NKAIN2: variants seen among roughly 807,000 people sequenced by gnomAD.
NKAIN2 encodes the protein sodium/potassium-transporting ATPase subunit beta-1-interacting protein 2.
Under a neutral mutation model 32.6 loss-of-function variants are expected in NKAIN2, and 14 were observed. The observed-to-expected ratio is 0.43, with a 90% CI of 0.28 to 0.67. The LOEUF (loss-of-function observed/expected upper bound fraction) is 0.67. Among genes scored for constraint, NKAIN2 ranks in the 30% least tolerant of loss-of-function variants. NKAIN2 has a pLI of 0.17. For synonymous variants in NKAIN2, 80 were observed against 87.2 expected (o/e 0.92, Z 0.46); for missense variants, 198 against 258.3 (o/e 0.77, Z 1.60).
intron 4 of NKAIN2, among the ~76,000 whole-genome samples, chr6:124,760,017 G>C (rs1778185509): frequency 6.6e-6 from 1 of 152,026 alleles, no homozygotes. Context: ...GGAACACCTA[G>C]TTGACTGTGT....
intron 4 of NKAIN2, among the ~76,000 whole-genome samples, chr6:124,664,902 CT>C: frequency 7.0e-6 from 1 of 143,148 alleles, no homozygotes; most frequent in Admixed American, 7.1e-5. Context: ...AATGTTTGAT[CT>C]TTAAACAAGA....
intron 3 of NKAIN2, among the ~76,000 whole-genome samples, chr6:124,643,620 C>T (rs566628449): frequency 6.6e-6 from 1 of 152,076 alleles, no homozygotes; most frequent in Non-Finnish European, 1.5e-5. Context: ...ATCATTATGG[C>T]CTGGTAAGGT....
chr6:123,845,056 T>C (rs1400494636), intron 1 of NKAIN2, among the ~76,000 whole-genome samples: 1 of 152,190 alleles, frequency 6.6e-6, no homozygotes, highest in Non-Finnish European at 1.5e-5. Flanking sequence ...TGAACAGAAG[T>C]GTTTTGACTT....
chr6:123,811,674 G>T (rs1028636319), intron 1 of NKAIN2, among the ~76,000 whole-genome samples: 1 of 152,022 alleles, frequency 6.6e-6, no homozygotes, highest in Non-Finnish European at 1.5e-5. Context: ...TATGCTAAAA[G>T]TTAACATCTT....
intron 1 of NKAIN2, among the ~76,000 whole-genome samples, chr6:123,815,671 C>T (rs1481942155): frequency 6.6e-6 from 1 of 151,908 alleles, no homozygotes; most frequent in Non-Finnish European, 1.5e-5. Context: ...TTTTTTTTGT[C>T]TGCCATTTCA....
intron 5 of NKAIN2, among the ~76,000 whole-genome samples, chr6:124,797,033 T>C (rs1780029222): frequency 6.6e-6 from 1 of 152,110 alleles, no homozygotes; most frequent in Non-Finnish European, 1.5e-5. Context: ...TCATCCTCGG[T>C]TTTTCCCCAC....
At chr6:123,965,679 T>A (rs1431826799) in intron 1 of NKAIN2, among the ~76,000 whole-genome samples, 6 of 152,196 alleles carry the variant, frequency 3.9e-5, no homozygotes, top group Admixed American at 1.3e-4. Context: ...TAGGTGGAAT[T>A]ATCCCCTTAT....
chr6:124,089,011 C>T lies in NKAIN2; in HGVS notation c.55-193994C>T, dbSNP rs189899600. On this transcript the variant is annotated intron_variant, in intron 1 of 6. Transcript: ENST00000368417. Reference sequence around the variant, plus strand: ...ATACTTTATCCTTTTAAATAATATCCTCTGCTTCCTCCAGAAATGTTGTGC... The same window carrying T: ...ATACTTTATCCTTTTAAATAATATCTTCTGCTTCCTCCAGAAATGTTGTGC... Among the ~76,000 whole-genome samples the T allele has an allele frequency of 9.2e-5, 14 of 152,014 alleles. No homozygotes were observed. In the East Asian group the frequency reaches 2.5e-3, roughly 27 times the overall value.
intron 3 of NKAIN2, among the ~76,000 whole-genome samples, chr6:124,487,244 C>A (rs1004176462): frequency 2.0e-5 from 3 of 152,024 alleles, no homozygotes; most frequent in African/African-American, 7.2e-5. Context: ...AGCTGATAAT[C>A]TTCTCATTTA....
At chr6:123,862,778 A>C (rs1775835288) in intron 1 of NKAIN2, among the ~76,000 whole-genome samples, 1 of 151,724 alleles carries the variant, frequency 6.6e-6, no homozygotes, top group Non-Finnish European at 1.5e-5. Context: ...TTTACACTGG[A>C]CTCTCAGAGC....
At chr6:124,502,437 T>A (rs931337603) in intron 3 of NKAIN2, among the ~76,000 whole-genome samples, 30 of 152,322 alleles carry the variant, frequency 2.0e-4, no homozygotes, top group African/African-American at 7.2e-4. Flanking sequence ...GATCAATTTC[T>A]TGTGAATTCT....
chr6:124,746,805 A>G (rs1219374365), intron 4 of NKAIN2, among the ~76,000 whole-genome samples: 2 of 151,858 alleles, frequency 1.3e-5, no homozygotes. Flanking sequence ...AAGCTAAGTG[A>G]CCTATGGGAC....
At chr6:124,270,960 G>A (rs927777148) in intron 1 of NKAIN2, among the ~76,000 whole-genome samples, 10 of 152,282 alleles carry the variant, frequency 6.6e-5, no homozygotes, top group African/African-American at 1.9e-4. Flanking sequence ...TTCTCAAATT[G>A]TAATCCGCAT....
At chr6:123,977,084 C>T (rs951073609) in intron 1 of NKAIN2, among the ~76,000 whole-genome samples, 2 of 152,194 alleles carry the variant, frequency 1.3e-5, no homozygotes, top group Non-Finnish European at 2.9e-5. Flanking sequence ...GTGATCCTCC[C>T]AACTAAGCCT....
chr6:124,814,505 T>A (rs1032828382), intron 5 of NKAIN2, among the ~76,000 whole-genome samples: 1 of 152,128 alleles, frequency 6.6e-6, no homozygotes, highest in Admixed American at 6.6e-5. Flanking sequence ...ATCAGCATGG[T>A]CCGAATAATC....
intron 1 of NKAIN2, among the ~76,000 whole-genome samples, chr6:124,091,257 A>C (rs769410514): frequency 2.0e-5 from 3 of 151,984 alleles, no homozygotes; most frequent in African/African-American, 7.2e-5. Context: ...ACCTATGGCT[A>C]TAAATTAAGA....
chr6:124,193,299 A>AG (rs1790125360), intron 1 of NKAIN2, among the ~76,000 whole-genome samples: 1 of 152,174 alleles, frequency 6.6e-6, no homozygotes, highest in Admixed American at 6.5e-5. Flanking sequence ...CAGGGCAGCA[A>AG]GGGGTGTGTG....
intron 2 of NKAIN2, among the ~76,000 whole-genome samples, chr6:124,317,587 G>A (rs1169843180): frequency 6.6e-6 from 1 of 151,986 alleles, no homozygotes; most frequent in Non-Finnish European, 1.5e-5. Flanking sequence ...TTACTAGGGT[G>A]ATTGAGTTAG....
At chr6:124,504,443 G>A (rs1778401132) in intron 3 of NKAIN2, among the ~76,000 whole-genome samples, 1 of 152,106 alleles carries the variant, frequency 6.6e-6, no homozygotes, top group Non-Finnish European at 1.5e-5. Flanking sequence ...TTGCATTAAA[G>A]TGATTACAAA....
Sources: allele counts gnomAD v4.1 joint callset (sites outside exome capture counted in the v4.1 genomes callset), GRCh38; gene constraint gnomAD v4.1.1; transcripts MANE v1.5; gene names NCBI Gene and HGNC (gene_info 2026-07-23, HGNC 2026-07-21).